Variants in RARB observed in about 807,000 individuals in gnomAD.
The protein encoded by RARB is retinoic acid receptor beta, also known as HBV-activated protein.
In RARB, 17 loss-of-function variants were observed where a neutral mutation model predicts 51.9. The observed-to-expected ratio is 0.33, with a 90% CI of 0.22 to 0.49. The LOEUF (loss-of-function observed/expected upper bound fraction) is 0.49. Among genes scored for constraint, RARB ranks in the 20% least tolerant of loss-of-function variants. The pLI is 0.99. For missense variants in RARB, 369 were observed against 550.8 expected (o/e 0.67, Z 3.30); for synonymous variants, 215 against 195.4 (o/e 1.10, Z -0.84).
chr3:24,948,389 A>G (rs1695819566), intron 2 of RARB, among the ~76,000 whole-genome samples: 1 of 152,228 alleles, frequency 6.6e-6, no homozygotes, highest in Non-Finnish European at 1.5e-5. Context: ...CACCTGCAAG[A>G]GGTGGAAAGT....
intron 5 of RARB, among the ~76,000 whole-genome samples, chr3:25,400,124 T>C (rs1707225225): frequency 6.6e-6 from 1 of 152,194 alleles, no homozygotes; most frequent in Non-Finnish European, 1.5e-5. Flanking sequence ...AGGCAGATCA[T>C]TCTTGATTGT....
chr3:25,142,503 A>G (rs1700123355), intron 4 of RARB, among the ~76,000 whole-genome samples: 1 of 152,164 alleles, frequency 6.6e-6, no homozygotes, highest in Non-Finnish European at 1.5e-5. Context: ...ATCTTTCATA[A>G]TAATACTTTG....
At chr3:25,511,546 G>T (rs1697897739) in intron 3 of RARB, among the ~76,000 whole-genome samples, 2 of 152,176 alleles carry the variant, frequency 1.3e-5, no homozygotes, top group Non-Finnish European at 2.9e-5. Flanking sequence ...AAAATCAATT[G>T]AGACAGAAAT....
At chr3:24,943,304 A>G (rs1205705317) in intron 2 of RARB, among the ~76,000 whole-genome samples, 1 of 152,170 alleles carries the variant, frequency 6.6e-6, no homozygotes. Flanking sequence ...TCTGCTTGCA[A>G]TGTGATTAGC....
chr3:25,432,561 A>G (rs1274910092), intron 1 of RARB, among the ~76,000 whole-genome samples: 1 of 152,208 alleles, frequency 6.6e-6, no homozygotes, highest in East Asian at 1.9e-4. Flanking sequence ...TGGCGCTGAT[A>G]TATACAACCG....
intron 5 of RARB, among the ~76,000 whole-genome samples, chr3:25,397,324 G>T (rs925027547): frequency 2.2e-5 from 3 of 137,364 alleles, no homozygotes; most frequent in African/African-American, 8.2e-5. Context: ...AGGTTCCTCC[G>T]TGAGGATGTG....
chr3:24,851,854 T>C (rs1375599003), intron 1 of RARB, among the ~76,000 whole-genome samples: 3 of 152,250 alleles, frequency 2.0e-5, no homozygotes, highest in Admixed American at 6.5e-5. Context: ...AATTTCAGTA[T>C]AGTTTCTTCA....
intron 5 of RARB, among the ~76,000 whole-genome samples, chr3:25,275,018 G>C (rs1453465458): frequency 1.3e-5 from 2 of 152,140 alleles, no homozygotes; most frequent in Non-Finnish European, 2.9e-5. Context: ...TTGCTTGGAA[G>C]CTCAAAAATA....
At chr3:25,442,773 T>G (rs1385374310) in intron 1 of RARB, among the ~76,000 whole-genome samples, 1 of 152,190 alleles carries the variant, frequency 6.6e-6, no homozygotes, top group African/African-American at 2.4e-5. Flanking sequence ...TGCTAACATT[T>G]AGTTTGCACA....
chr3:25,309,301 A>AT (rs1288155602), intron 5 of RARB, among the ~76,000 whole-genome samples: 1 of 141,184 alleles, frequency 7.1e-6, no homozygotes, highest in Non-Finnish European at 1.6e-5. Flanking sequence ...TGCCTGGCTA[A>AT]TTTTTTGTTT....
intron 2 of RARB, among the ~76,000 whole-genome samples, chr3:24,983,518 T>A (rs1019245334): frequency 3.9e-5 from 6 of 152,144 alleles, no homozygotes; most frequent in African/African-American, 1.2e-4. Context: ...TTTGTCCTAA[T>A]GCTCTCCCTC....
At chr3:25,061,213 T>C (rs1698540695) in intron 3 of RARB, among the ~76,000 whole-genome samples, 1 of 151,848 alleles carries the variant, frequency 6.6e-6, no homozygotes, top group Non-Finnish European at 1.5e-5. Context: ...ACAGTGAAAA[T>C]AAAATTTAAT....
intron 4 of RARB, among the ~76,000 whole-genome samples, chr3:25,137,773 C>T (rs778902364): frequency 6.6e-6 from 1 of 152,076 alleles, no homozygotes; most frequent in Non-Finnish European, 1.5e-5. Context: ...CATTGGCATT[C>T]TATAAGGAAT....
chr3:24,994,989 A>G (rs71311519), intron 2 of RARB, among the ~76,000 whole-genome samples: 2,059 of 152,200 alleles, frequency 0.014, 20 homozygotes, highest in Non-Finnish European at 0.021. Context: ...TTGTGGTTCC[A>G]TAGAAATGTT....
chr3:25,418,396 A>G (rs1250457851), intron 5 of RARB, among the ~76,000 whole-genome samples: 1 of 152,196 alleles, frequency 6.6e-6, no homozygotes, highest in Non-Finnish European at 1.5e-5. Flanking sequence ...ATTCTCCAAC[A>G]TTGTCTTCCA....
chr3:25,531,427 AT>A (rs1438226729), intron 3 of RARB, among the ~76,000 whole-genome samples: 4 of 143,486 alleles, frequency 2.8e-5, no homozygotes, highest in Admixed American at 7.0e-5. Context: ...TAGATAGAAG[AT>A]AGATAGATAC....
In RARB at chr3:24,989,387, C is replaced by T. The variant is rs140356607; in HGVS notation, c.-379-70738C>T. Among the ~76,000 whole-genome samples the T allele has an allele frequency of 5.7e-4, 86 of 150,202 alleles. 13 individuals are homozygous for T. The East Asian group carries it at 0.016, about 28-fold the overall frequency. ...TACTTGAAAGTAGGAATTGTTGTTA[C>T]GTAGGAAAACATTACTGAATTAGAA... On this transcript the variant is annotated intron_variant, in intron 2 of 11. Coordinates refer to the RARB transcript ENST00000383772.
At chr3:24,891,844 G>A (rs1703384625) in intron 2 of RARB, among the ~76,000 whole-genome samples, 1 of 151,338 alleles carries the variant, frequency 6.6e-6, no homozygotes, top group African/African-American at 2.4e-5. Flanking sequence ...ACCTGGGGCG[G>A]CCATCTTCAG....
intron 2 of RARB, among the ~76,000 whole-genome samples, chr3:25,488,542 A>G (rs1345807895): frequency 6.6e-6 from 1 of 152,150 alleles, no homozygotes; most frequent in Non-Finnish European, 1.5e-5. Flanking sequence ...AAGCTCCTAG[A>G]TGAGGCTTCC....
Sources: allele counts gnomAD v4.1 joint callset (sites outside exome capture counted in the v4.1 genomes callset), GRCh38; gene constraint gnomAD v4.1.1; transcripts MANE v1.5; gene names NCBI Gene and HGNC (gene_info 2026-07-23, HGNC 2026-07-21).